Variants in LASP1 observed in about 807,000 individuals in gnomAD.
LASP1 encodes the protein LIM and SH3 domain protein 1.
A neutral mutation model predicts 38.6 loss-of-function variants in LASP1; 10 were observed. The observed-to-expected ratio is 0.26, with a 90% CI of 0.16 to 0.44. The LOEUF is 0.44. Ranked by LOEUF, LASP1 falls within the 20% of genes least tolerant of loss-of-function variation. The pLI is 1.00. For synonymous variants in LASP1, 132 were observed against 140.8 expected (o/e 0.94, Z 0.44); for missense variants, 243 against 375.7 (o/e 0.65, Z 2.92).
intron 2 of LASP1, 53 bp downstream of exon 2, chr17:38,878,233 A>G: frequency 8.4e-7 from 1 of 1,197,486 alleles, no homozygotes. Flanking sequence ...TCCCTCCCCG[A>G]GTGAGTTCTT....
chr17:38,897,155 CCTT>C (rs1914512236), intron 3 of LASP1: 1 of 869,892 alleles, frequency 1.1e-6, no homozygotes, highest in Non-Finnish European at 1.4e-6. Flanking sequence ...ACATCCAAGC[CCTT>C]CTTGTCTGGA....
chr17:38,907,467 C>T (rs1914805451), intron 4 of LASP1, among the ~76,000 whole-genome samples: 1 of 152,176 alleles, frequency 6.6e-6, no homozygotes. Flanking sequence ...CCTTGTGTCA[C>T]CAGCCTTGGC....
intron 2 of LASP1, among the ~76,000 whole-genome samples, chr17:38,883,863 G>T (rs1274316418): frequency 1.4e-5 from 2 of 144,866 alleles, no homozygotes; most frequent in East Asian, 2.0e-4. Context: ...ATGCCTCCTT[G>T]TTGCTTCCTA....
chr17:38,917,433 C>T (rs1291178244), intron 6 of LASP1, among the ~76,000 whole-genome samples: 1 of 151,456 alleles, frequency 6.6e-6, no homozygotes, highest in Non-Finnish European at 1.5e-5. Context: ...TAAACTCCAT[C>T]CTGGTAGTAG....
intron 1 of LASP1, among the ~76,000 whole-genome samples, chr17:38,871,360 C>A (rs1913604928): frequency 6.6e-6 from 1 of 152,048 alleles, no homozygotes; most frequent in Non-Finnish European, 1.5e-5. Context: ...ATCCCCTCCC[C>A]AGTCTGGAGG....
At chr17:38,893,115 G>C (rs1009017099) in intron 3 of LASP1, among the ~76,000 whole-genome samples, 1 of 152,234 alleles carries the variant, frequency 6.6e-6, no homozygotes, top group African/African-American at 2.4e-5. Context: ...TACAGATAGG[G>C]AAACTGAGGT....
chr17:38,910,879 T>C (rs887630880), intron 4 of LASP1, among the ~76,000 whole-genome samples: 2 of 152,108 alleles, frequency 1.3e-5, no homozygotes, highest in African/African-American at 4.8e-5. Context: ...CCTGCCATCA[T>C]GCCCAGCTAA....
rs1914277233 is a variant in LASP1 at position 38,890,446 on chromosome 17, T to C, written c.191T>C (p.Met64Thr). 13 of 1,613,870 alleles carry C rather than the reference T, an allele frequency of 8.1e-6. No individual in the cohort carries two copies. The highest frequency in any genetic ancestry group is 1.1e-5 in the Non-Finnish European group (13 of 1,179,990). The change falls in exon 3 of 7, where the codon ATG becomes ACG. Residue 64 changes from methionine to threonine, a missense_variant. Physicochemically the swap from Met to Thr is moderately conservative, Grantham distance 81. Transcript: ENST00000318008. The stretch of plus-strand genomic sequence containing the variant: ...CACTACCCCAAGCAGTCCTTCACCA[T>C]GGTGGCGGACACCCCGGAAAACCTT... ...NAHYPKQSFT[M>T]VADTPENLRL...
chr17:38,917,674 G>GT, intron 6 of LASP1, among the ~76,000 whole-genome samples: 1 of 151,688 alleles, frequency 6.6e-6, no homozygotes, highest in South Asian at 2.1e-4. Context: ...TACAGGGCAT[G>GT]TTTTTTCTGT....
At chr17:38,880,619 G>T (rs527561543) in intron 2 of LASP1, among the ~76,000 whole-genome samples, 1 of 152,314 alleles carries the variant, frequency 6.6e-6, no homozygotes, top group Middle Eastern at 3.4e-3. Flanking sequence ...AGACCTGGGG[G>T]CTTTGTGACC....
chr17:38,881,780 CTCTA>C (rs1436763198), intron 2 of LASP1, among the ~76,000 whole-genome samples: 3 of 152,202 alleles, frequency 2.0e-5, no homozygotes, highest in African/African-American at 7.2e-5. Context: ...GCAGGGAGGC[CTCTA>C]TGTTCTGCCT....
At chr17:38,883,388 T>C (rs1343886270) in intron 2 of LASP1, among the ~76,000 whole-genome samples, 2 of 151,936 alleles carry the variant, frequency 1.3e-5, no homozygotes, top group Non-Finnish European at 2.9e-5. Context: ...CTAAAAAATG[T>C]AAAAATGAAA....
intron 3 of LASP1, among the ~76,000 whole-genome samples, chr17:38,897,777 A>C (rs922891094): frequency 1.3e-5 from 2 of 152,150 alleles, no homozygotes; most frequent in African/African-American, 2.4e-5. Flanking sequence ...TCAAAGGCGC[A>C]CTGATGGAGC....
chr17:38,895,595 C>T (rs758601934), intron 3 of LASP1, among the ~76,000 whole-genome samples: 2 of 152,074 alleles, frequency 1.3e-5, no homozygotes, highest in African/African-American at 2.4e-5. Flanking sequence ...GGATTACAGG[C>T]GTGAGCCACC....
chr17:38,896,464 T>TC (rs1201187567), intron 3 of LASP1, among the ~76,000 whole-genome samples: 4 of 152,080 alleles, frequency 2.6e-5, no homozygotes, highest in Non-Finnish European at 5.9e-5. Context: ...GAATGATCCT[T>TC]CCCCAACAGG....
chr17:38,897,146 C>T, intron 3 of LASP1: 1 of 888,466 alleles, frequency 1.1e-6, no homozygotes, highest in Non-Finnish European at 1.3e-6. Context: ...GGGAACAGCA[C>T]ATCCAAGCCC....
chr17:38,910,297 C>G (rs893097455), intron 4 of LASP1, among the ~76,000 whole-genome samples: 1 of 152,182 alleles, frequency 6.6e-6, no homozygotes, highest in African/African-American at 2.4e-5. Context: ...GGCAGCAGCT[C>G]AGTTCTGCAG....
At chr17:38,898,050 C>T (rs773698616) in intron 3 of LASP1, among the ~76,000 whole-genome samples, 1 of 152,220 alleles carries the variant, frequency 6.6e-6, no homozygotes, top group African/African-American at 2.4e-5. Context: ...ACATTGACTG[C>T]TAAGCTCTGT....
chr17:38,914,971 C>A (rs1409970555), intron 5 of LASP1, 72 bp from the exon 6 acceptor site: 1 of 1,445,012 alleles, frequency 6.9e-7, no homozygotes. Context: ...ATGGTATGGA[C>A]TTCTCGGGAG....
Sources: allele counts gnomAD v4.1 joint callset (sites outside exome capture counted in the v4.1 genomes callset), GRCh38; gene constraint gnomAD v4.1.1; transcripts MANE v1.5; gene names NCBI Gene and HGNC (gene_info 2026-07-23, HGNC 2026-07-21).